Variants in GLIS1 observed in about 807,000 individuals in gnomAD.
GLIS1 encodes zinc finger protein GLIS1.
GLIS1 carries 24 observed loss-of-function variants against 63.8 expected under a neutral mutation model. The observed-to-expected ratio is 0.38, with a 90% CI of 0.27 to 0.53. The LOEUF (loss-of-function observed/expected upper bound fraction) is 0.53. Among genes scored for constraint, GLIS1 ranks in the 20% least tolerant of loss-of-function variants. The pLI is 0.85. For synonymous variants in GLIS1, 450 were observed against 482.5 expected, an observed-to-expected ratio of 0.93 and a Z score of 0.88; for missense variants, 1,036 against 1,074.1, an observed-to-expected ratio of 0.96 and a Z score of 0.50.
chr1:53,600,605 C>T (rs1471693959), intron 2 of GLIS1, among the ~76,000 whole-genome samples: 2 of 152,174 alleles, frequency 1.3e-5, no homozygotes, highest in East Asian at 1.9e-4. Flanking sequence ...AACTCCGAGT[C>T]TCTTGGAACG....
At chr1:53,613,179 C>T (rs1276845662) in intron 2 of GLIS1, among the ~76,000 whole-genome samples, 1 of 152,174 alleles carries the variant, frequency 6.6e-6, no homozygotes, top group African/African-American at 2.4e-5. Flanking sequence ...CCGATACAAG[C>T]TAATTTGCTA....
intron 7 of GLIS1, 63 bp downstream of exon 7, chr1:53,520,571 A>G: frequency 6.6e-7 from 1 of 1,510,030 alleles, no homozygotes; most frequent in Non-Finnish European, 8.8e-7. Flanking sequence ...CTTGTCCTTG[A>G]CTGTGGGCAG....
chr1:53,628,949 C>T (rs1645624333), intron 2 of GLIS1, among the ~76,000 whole-genome samples: 1 of 152,134 alleles, frequency 6.6e-6, no homozygotes, highest in African/African-American at 2.4e-5. Context: ...CTGTCTGGCA[C>T]ATCAGAACGA....
intron 2 of GLIS1, among the ~76,000 whole-genome samples, chr1:53,647,174 A>G (rs775664591): frequency 6.6e-6 from 1 of 152,204 alleles, no homozygotes; most frequent in Non-Finnish European, 1.5e-5. Flanking sequence ...GATTCAGTGC[A>G]ATCCAAATCA....
intron 10 of GLIS1, among the ~76,000 whole-genome samples, chr1:53,508,716 G>A (rs544685989): frequency 1.5e-4 from 23 of 152,270 alleles, no homozygotes; most frequent in South Asian, 1.0e-3. Flanking sequence ...TTCTGTCCCC[G>A]CCTAATCTCC....
At chr1:53,521,297 C>T (rs915108138) in intron 6 of GLIS1, among the ~76,000 whole-genome samples, 13 of 152,116 alleles carry the variant, frequency 8.5e-5, no homozygotes, top group African/African-American at 3.1e-4. Context: ...GGTGAATGGA[C>T]GCGGTAGGAA....
intron 2 of GLIS1, chr1:53,734,316 A>T: frequency 1.3e-5 from 6 of 474,170 alleles, no homozygotes; most frequent in African/African-American, 2.1e-5. Flanking sequence ...AAGTTTTCTA[A>T]CTATGGCATA....
At chr1:53,599,079 G>A (rs1334634462) in intron 3 of GLIS1, among the ~76,000 whole-genome samples, 1 of 152,232 alleles carries the variant, frequency 6.6e-6, no homozygotes, top group African/African-American at 2.4e-5. Context: ...AGCAGCCCCA[G>A]GCAGTGGGTG....
chr1:53,664,302 C>T (rs1646064430), intron 2 of GLIS1, among the ~76,000 whole-genome samples: 1 of 152,178 alleles, frequency 6.6e-6, no homozygotes, highest in African/African-American at 2.4e-5. Flanking sequence ...TCCAGGAAGC[C>T]CTACCGGATG....
At chr1:53,506,839 C>G (rs1644239240) in intron 10 of GLIS1, 63 bp from the exon 11 acceptor site, 1 of 1,511,452 alleles carries the variant, frequency 6.6e-7, no homozygotes, top group Admixed American at 1.8e-5. Context: ...CGCATGCTTC[C>G]CAGTTCCAGG....
intron 4 of GLIS1, among the ~76,000 whole-genome samples, chr1:53,566,528 C>T (rs1050141369): frequency 6.6e-6 from 1 of 152,178 alleles, no homozygotes; most frequent in Non-Finnish European, 1.5e-5. Context: ...AGGTATAAAT[C>T]TAACAAAATA....
rs544224412 is a variant in GLIS1 at position 53,546,919 on chromosome 1, C to T, written c.1321-16967G>A. 3.4e-5 allele frequency among the ~76,000 whole-genome samples: 5 copies of T among 146,556 alleles called. No individual in the cohort carries two copies. In the East Asian group the frequency reaches 6.0e-4, roughly 18 times the overall value. Reference sequence around the variant, plus strand: ...CCCTGGACTCAAGCATTGTAACTGCCGGGCTCTGCGCCTCTTTCTTCCCCT... The same window carrying T: ...CCCTGGACTCAAGCATTGTAACTGCTGGGCTCTGCGCCTCTTTCTTCCCCT... On this transcript the variant is annotated intron_variant, in intron 4 of 10. Coordinates refer to ENST00000628545, the MANE Select transcript of GLIS1 (RefSeq NM_001367484.1).
chr1:53,634,583 T>A (rs1645703231), intron 2 of GLIS1, among the ~76,000 whole-genome samples: 1 of 151,784 alleles, frequency 6.6e-6, no homozygotes, highest in South Asian at 2.1e-4. Flanking sequence ...CTCACTAGAG[T>A]TCATTTGTGA....
chr1:53,683,882 C>T (rs1475448677), intron 2 of GLIS1, among the ~76,000 whole-genome samples: 1 of 152,140 alleles, frequency 6.6e-6, no homozygotes, highest in Non-Finnish European at 1.5e-5. Context: ...TTGTACAGTC[C>T]TTGCCAGGCT....
intron 2 of GLIS1, among the ~76,000 whole-genome samples, chr1:53,632,542 C>G (rs1645668136): frequency 7.7e-6 from 1 of 129,404 alleles, no homozygotes; most frequent in African/African-American, 3.0e-5. Context: ...GTGAATGTGA[C>G]TGAGGGACAT....
At chr1:53,697,663 C>T (rs1158792456) in intron 2 of GLIS1, among the ~76,000 whole-genome samples, 6 of 152,262 alleles carry the variant, frequency 3.9e-5, no homozygotes, top group African/African-American at 1.4e-4. Flanking sequence ...CCATCCATCA[C>T]ACTCCTTCCA....
chr1:53,625,234 C>T (rs1569940435), intron 2 of GLIS1, among the ~76,000 whole-genome samples: 1 of 152,236 alleles, frequency 6.6e-6, no homozygotes, highest in South Asian at 2.1e-4. Context: ...AGGAGATGAC[C>T]CTGAAAGAGT....
chr1:53,659,179 C>T (rs969698451), intron 2 of GLIS1, among the ~76,000 whole-genome samples: 4 of 152,116 alleles, frequency 2.6e-5, no homozygotes, highest in Non-Finnish European at 4.4e-5. Context: ...GCAAGGAGGC[C>T]AGGAAGGGAA....
chr1:53,722,492 T>G (rs570450583), intron 2 of GLIS1, among the ~76,000 whole-genome samples: 1 of 152,158 alleles, frequency 6.6e-6, no homozygotes, highest in Non-Finnish European at 1.5e-5. Context: ...GCCTTCCAAA[T>G]TTTGGACCAT....
Sources: allele counts gnomAD v4.1 joint callset (sites outside exome capture counted in the v4.1 genomes callset), GRCh38; gene constraint gnomAD v4.1.1; transcripts MANE v1.5; gene names NCBI Gene and HGNC (gene_info 2026-07-23, HGNC 2026-07-21).